IDI1: variants seen among roughly 807,000 people sequenced by gnomAD.
IDI1 encodes the protein isopentenyl-diphosphate delta isomerase 1, also known as isopentenyl-diphosphate Delta-isomerase 1.
A neutral mutation model predicts 32.9 loss-of-function variants in IDI1; 23 were observed. The observed-to-expected ratio is 0.70, with a 90% CI of 0.50 to 0.99. IDI1 has a LOEUF of 0.99. IDI1 is among the 50% of genes least tolerant of loss of function. The pLI is 0.00. For synonymous variants in IDI1, 133 were observed against 128.2 expected (o/e 1.04, Z -0.25); for missense variants, 326 against 351.9 (o/e 0.93, Z 0.59).
Position 1,040,182 on chromosome 10 carries a change from A to T in IDI1, c.*1005T>A, listed in dbSNP as rs1832514787. ...TTTTTAACATTAATATACACATTCC[A>T]TAATCTCATCTATTTAACATTAACA... On this transcript the variant is annotated 3_prime_UTR_variant, in exon 5 of 5. Coordinates refer to ENST00000381344, the MANE Select transcript of IDI1 (RefSeq NM_004508.4). The T allele has an allele frequency of 6.6e-6, 1 of 152,234 alleles. No homozygotes were observed. Among genetic ancestry groups the T allele is most frequent in the South Asian group, 2.1e-4 (1 of 4,830 alleles). 9.4% of individuals were successfully genotyped at this position (152,234 alleles called of 1,614,324 possible). A position where few individuals can be genotyped will look rare whatever the true frequency, so the allele number is the denominator to read the frequency against.
chr10:1,042,534 A>G, intron 4 of IDI1, 98 bp downstream of exon 4: 1 of 1,182,676 alleles, frequency 8.5e-7, no homozygotes, highest in Non-Finnish European at 1.2e-6. Flanking sequence ...GGAGGTTACC[A>G]AGCAGAGAAC....
At chr10:1,055,999 G>C in the IDI1 span, among the ~76,000 whole-genome samples, 1 of 152,296 alleles carries the variant, frequency 6.6e-6, no homozygotes, top group East Asian at 1.9e-4. Context: ...AGTAAAGACA[G>C]GGTTTCACCA....
At chr10:1,042,964 T>C (rs1322902279) in intron 3 of IDI1, among the ~76,000 whole-genome samples, 1 of 150,192 alleles carries the variant, frequency 6.7e-6, no homozygotes, top group Non-Finnish European at 1.5e-5. Flanking sequence ...GATTTTAAAA[T>C]TGGTTATAAT....
intron 3 of IDI1, 51 bp downstream of exon 3, chr10:1,043,247 TAAA>T: frequency 9.1e-7 from 1 of 1,095,376 alleles, no homozygotes; most frequent in Non-Finnish European, 1.4e-6. Context: ...TTCAGAATGA[TAAA>T]AAGTCAAATT....
chr10:1,042,697 C>T lies in IDI1; in HGVS notation c.472G>A (p.Ala158Thr), dbSNP rs775112470. The T allele has an allele frequency of 2.5e-6, 4 of 1,613,922 alleles. No homozygotes were observed. The highest frequency in any genetic ancestry group is 4.5e-5 in the East Asian group (2 of 44,864). Residue 158 changes from alanine (A) to threonine (T), a missense_variant, in exon 4 of 5, where the codon GCC (alanine) becomes ACC (threonine). Physicochemically the swap from Ala to Thr is moderately conservative, Grantham distance 58 (BLOSUM62 0). Coordinates refer to ENST00000381344, the MANE Select transcript of IDI1 (RefSeq NM_004508.4). ...TGTGCTGCTCGCCTCACTCCAAGGG[C>T]GTCACTTTCCTCAAGCTCGGCTGGA... The part of the protein sequence containing the change: ...SNPAELEESD[A>T]LGVRRAAQRR...
At chr10:1,051,721 T>A (rs1833018513), upstream of IDI1, among the ~76,000 whole-genome samples, 1 of 152,248 alleles carries the variant, frequency 6.6e-6, no homozygotes, top group African/African-American at 2.4e-5. Context: ...ATAATCTTTT[T>A]GCTGGTGGAG....
At chr10:1,043,765 A>C (rs148328089) in intron 2 of IDI1, 1 of 671,576 alleles carries the variant, frequency 1.5e-6, no homozygotes, top group Non-Finnish European at 2.7e-6. Flanking sequence ...TCCCTCTTCT[A>C]TGAATCCAGA....
intron 1 of IDI1, 177 bp from the exon 2 acceptor site, chr10:1,044,348 C>T (rs1388262045): frequency 1.1e-5 from 6 of 533,806 alleles, no homozygotes; most frequent in South Asian, 2.8e-5. Context: ...ATCATTTCTC[C>T]TACAGGTTTC....
At chr10:1,054,615 T>C in the IDI1 span, among the ~76,000 whole-genome samples, 1 of 152,232 alleles carries the variant, frequency 6.6e-6, no homozygotes. Context: ...TGTAACTGGA[T>C]ACCAGGATTG....
At chr10:1,050,149 G>A (rs574169790), upstream of IDI1, among the ~76,000 whole-genome samples, 1 of 152,102 alleles carries the variant, frequency 6.6e-6, no homozygotes, top group East Asian at 1.9e-4. Context: ...TTTGCTCACT[G>A]TTGTTTACTA....
chr10:1,053,200 C>T (rs565786336), upstream of IDI1, among the ~76,000 whole-genome samples: 186 of 152,194 alleles, frequency 1.2e-3, no homozygotes, highest in Non-Finnish European at 2.3e-3. Context: ...CAGGGTTTCA[C>T]CATGTTGGCC....
At chr10:1,050,659 G>A (rs1589059732), upstream of IDI1, among the ~76,000 whole-genome samples, 2 of 152,190 alleles carry the variant, frequency 1.3e-5, no homozygotes, top group East Asian at 1.9e-4. Flanking sequence ...GGCACAAAGA[G>A]GGAACCAGCC....
chr10:1,056,177 T>C, the IDI1 span, among the ~76,000 whole-genome samples: 1 of 152,228 alleles, frequency 6.6e-6, no homozygotes, highest in Non-Finnish European at 1.5e-5. Flanking sequence ...TTTCACGCTC[T>C]TGATTTACTC....
At chr10:1,056,449 G>C in the IDI1 span, 1 of 152,168 alleles carries the variant, frequency 6.6e-6, no homozygotes, top group Non-Finnish European at 1.5e-5. Flanking sequence ...CGGCACCGCG[G>C]CCCTGAGCGC....
upstream of IDI1, among the ~76,000 whole-genome samples, chr10:1,051,602 T>C (rs1833015506): frequency 6.6e-6 from 1 of 152,238 alleles, no homozygotes; most frequent in Admixed American, 6.5e-5. Context: ...AAGTGCTTTA[T>C]GTGCATTTCC....
intron 3 of IDI1, 94 bp from the exon 4 acceptor site, chr10:1,042,856 G>C: frequency 9.2e-7 from 1 of 1,089,830 alleles, no homozygotes; most frequent in South Asian, 1.4e-5. Flanking sequence ...AAAATGAAAT[G>C]ATTTTTAAGG....
chr10:1,049,914 A>G (rs1429652177), upstream of IDI1, among the ~76,000 whole-genome samples: 1 of 152,178 alleles, frequency 6.6e-6, no homozygotes, highest in Non-Finnish European at 1.5e-5. Flanking sequence ...CAGCTTACCG[A>G]AGTGCTGAGA....
chr10:1,050,483 GA>G (rs531720573), upstream of IDI1, among the ~76,000 whole-genome samples: 17 of 147,838 alleles, frequency 1.1e-4, no homozygotes, highest in East Asian at 3.9e-4. Flanking sequence ...TCTGGCCAAG[GA>G]AAAAAAAAAT....
chr10:1,053,889 T>G (rs1164506835), upstream of IDI1, among the ~76,000 whole-genome samples: 1 of 152,116 alleles, frequency 6.6e-6, no homozygotes, highest in Non-Finnish European at 1.5e-5. Context: ...GCCACCACCA[T>G]GCCTGGCCCC....
Sources: allele counts gnomAD v4.1 joint callset (sites outside exome capture counted in the v4.1 genomes callset), GRCh38; gene constraint gnomAD v4.1.1; transcripts MANE v1.5; gene names NCBI Gene and HGNC (gene_info 2026-07-23, HGNC 2026-07-21).